Variants in CSGALNACT1 observed in about 807,000 individuals in gnomAD.
CSGALNACT1 encodes beta4GalNAcT-1.
CSGALNACT1 carries 52 observed loss-of-function variants against 51.0 expected under a neutral mutation model. The observed-to-expected ratio is 1.02, with a 90% CI of 0.82 to 1.29. The LOEUF is 1.29. CSGALNACT1 is among the 50% of genes most tolerant of loss of function. The pLI is 0.00. For synonymous variants in CSGALNACT1, 341 were observed against 254.4 expected (o/e 1.34, Z -3.24); for missense variants, 935 against 679.2 (o/e 1.38, Z -4.19).
intron 1 of CSGALNACT1, among the ~76,000 whole-genome samples, chr8:19,650,755 T>A (rs1379998309): frequency 6.6e-6 from 1 of 152,144 alleles, no homozygotes. Flanking sequence ...TCATTTCTTT[T>A]GTTTGGAATG....
At chr8:19,550,022 C>T (rs994439028) in intron 3 of CSGALNACT1, among the ~76,000 whole-genome samples, 1 of 152,038 alleles carries the variant, frequency 6.6e-6, no homozygotes, top group Non-Finnish European at 1.5e-5. Flanking sequence ...GGTCTTTTTT[C>T]TTCCATTCAT....
chr8:19,457,676 C>T, intron 5 of CSGALNACT1: 21 of 1,300,346 alleles, frequency 1.6e-5, no homozygotes, highest in Non-Finnish European at 2.1e-5. Flanking sequence ...GTAGGATTTT[C>T]TATGTTTAAA....
intron 6 of CSGALNACT1, among the ~76,000 whole-genome samples, chr8:19,438,927 TA>T (rs1247295858): frequency 6.6e-6 from 1 of 152,228 alleles, no homozygotes; most frequent in Non-Finnish European, 1.5e-5. Flanking sequence ...TATTACCATT[TA>T]CCAGAAACTC....
chr8:19,655,372 T>A (rs1336667082), intron 1 of CSGALNACT1, among the ~76,000 whole-genome samples: 1 of 152,106 alleles, frequency 6.6e-6, no homozygotes, highest in African/African-American at 2.4e-5. Context: ...GGTGTTATTT[T>A]TCTTTTGAGG....
chr8:19,741,182 G>T (rs2064290127), intron 1 of CSGALNACT1, among the ~76,000 whole-genome samples: 1 of 152,168 alleles, frequency 6.6e-6, no homozygotes, highest in Non-Finnish European at 1.5e-5. Flanking sequence ...TCATCTGCAT[G>T]GATAGATCAG....
At chr8:19,680,628 TA>T (rs2060545963) in intron 1 of CSGALNACT1, among the ~76,000 whole-genome samples, 1 of 132,090 alleles carries the variant, frequency 7.6e-6, no homozygotes, top group Non-Finnish European at 1.5e-5. Flanking sequence ...AACAACTATT[TA>T]CATAGCTCTT....
chr8:19,753,637 T>C (rs776577069), intron 1 of CSGALNACT1, among the ~76,000 whole-genome samples: 1 of 152,136 alleles, frequency 6.6e-6, no homozygotes, highest in Non-Finnish European at 1.5e-5. Context: ...GCCTCCCAAG[T>C]AGCTGGGACC....
At chr8:19,736,939 T>A (rs1200260737) in intron 1 of CSGALNACT1, among the ~76,000 whole-genome samples, 2 of 149,954 alleles carry the variant, frequency 1.3e-5, no homozygotes, top group East Asian at 3.9e-4. Context: ...AAAAAAAAAA[T>A]CCTCACTCAC....
chr8:19,636,099 G>A (rs372827595), intron 1 of CSGALNACT1, among the ~76,000 whole-genome samples: 153 of 152,176 alleles, frequency 1.0e-3, no homozygotes, highest in East Asian at 3.3e-3. Context: ...CCGTAGTCCC[G>A]CTTATCAGCG....
intron 1 of CSGALNACT1, among the ~76,000 whole-genome samples, chr8:19,690,914 A>G (rs1383229579): frequency 6.6e-6 from 1 of 152,198 alleles, no homozygotes; most frequent in Non-Finnish European, 1.5e-5. Flanking sequence ...GCAACCATTA[A>G]TAAAGATTGC....
At chr8:19,715,718 G>T (rs2062767209) in intron 1 of CSGALNACT1, among the ~76,000 whole-genome samples, 1 of 152,144 alleles carries the variant, frequency 6.6e-6, no homozygotes, top group Non-Finnish European at 1.5e-5. Flanking sequence ...GCCTGGAAAT[G>T]GGCACATCTT....
At chr8:19,553,400 G>A (rs576163116) in intron 3 of CSGALNACT1, among the ~76,000 whole-genome samples, 53 of 152,044 alleles carry the variant, frequency 3.5e-4, no homozygotes, top group African/African-American at 1.3e-3. Context: ...AAATGCCTGT[G>A]AGTGGGGAAT....
At chr8:19,404,764 G>C in exon 10 of CSGALNACT1, 1 of 454,482 alleles carries the variant, frequency 2.2e-6, no homozygotes, top group South Asian at 1.6e-5. Flanking sequence ...GAGAAAATGT[G>C]GTTTCTGACT....
At chr8:19,530,252 C>CAAAAT (rs2082491357) in intron 3 of CSGALNACT1, among the ~76,000 whole-genome samples, 1 of 131,980 alleles carries the variant, frequency 7.6e-6, no homozygotes, top group African/African-American at 3.0e-5. Context: ...CAAAACAAAA[C>CAAAAT]AAAAAAAATT....
intron 6 of CSGALNACT1, among the ~76,000 whole-genome samples, chr8:19,423,061 C>T (rs1391492306): frequency 6.6e-6 from 1 of 152,190 alleles, no homozygotes; most frequent in Admixed American, 6.5e-5. Context: ...TCAGGTTGCA[C>T]CTGACTCATA....
intron 4 of CSGALNACT1, among the ~76,000 whole-genome samples, chr8:19,499,005 C>T (rs1479292161): frequency 6.6e-6 from 1 of 152,136 alleles, no homozygotes; most frequent in African/African-American, 2.4e-5. Context: ...AGCCCAGCTG[C>T]TCCAAAAGCC....
chr8:19,645,035 C>A (rs575162389), intron 1 of CSGALNACT1, among the ~76,000 whole-genome samples: 2 of 152,202 alleles, frequency 1.3e-5, no homozygotes, highest in Admixed American at 1.3e-4. Flanking sequence ...ATGTAAAAGT[C>A]TTTTAATCAT....
intron 3 of CSGALNACT1, among the ~76,000 whole-genome samples, chr8:19,562,788 G>T (rs906234866): frequency 1.3e-5 from 2 of 152,140 alleles, no homozygotes; most frequent in Non-Finnish European, 2.9e-5. Flanking sequence ...AAAAATACTG[G>T]CAAGGCTTTG....
chr8:19,673,931 G>C (rs1278852953), intron 1 of CSGALNACT1, among the ~76,000 whole-genome samples: 2 of 152,178 alleles, frequency 1.3e-5, no homozygotes, highest in Non-Finnish European at 2.9e-5. Context: ...TTACTGAAAA[G>C]ATAAATGCAG....
Sources: gnomAD v4.1 joint callset for allele counts (sites outside exome capture counted in the v4.1 genomes callset) on GRCh38, gnomAD v4.1.1 for gene constraint, MANE v1.5 for transcripts, NCBI Gene and HGNC (gene_info 2026-07-23, HGNC 2026-07-21) for gene names.